UBAC2: variants seen among roughly 807,000 people sequenced by gnomAD.
UBAC2 encodes ubiquitin-associated domain-containing protein 2.
Under a neutral mutation model 44.0 loss-of-function variants are expected in UBAC2, and 26 were observed. The ratio of observed to expected loss-of-function variants is 0.59; its 90% CI spans 0.43 to 0.82. UBAC2 has a LOEUF of 0.82. Ranked by LOEUF, UBAC2 falls within the 40% of genes least tolerant of loss-of-function variation. UBAC2 has a pLI of 0.00. For missense variants in UBAC2, 329 were observed against 419.4 expected (o/e 0.78, Z 1.88); for synonymous variants, 155 against 154.3 (o/e 1.00, Z -0.04).
intron 6 of UBAC2, among the ~76,000 whole-genome samples, chr13:99,327,303 G>A (rs2044652401): frequency 6.6e-6 from 1 of 152,224 alleles, no homozygotes; most frequent in Non-Finnish European, 1.5e-5. Flanking sequence ...AGGTTGCCAA[G>A]AAACACCCGT....
chr13:99,281,098 A>AT (rs1373205545), intron 4 of UBAC2, among the ~76,000 whole-genome samples: 1 of 152,140 alleles, frequency 6.6e-6, no homozygotes, highest in Non-Finnish European at 1.5e-5. Flanking sequence ...AGGCAGGAGA[A>AT]TAGCTTGAAC....
chr13:99,334,387 C>G (rs1436135915), intron 6 of UBAC2, among the ~76,000 whole-genome samples: 1 of 152,180 alleles, frequency 6.6e-6, no homozygotes, highest in South Asian at 2.1e-4. Context: ...GAAATTCCAA[C>G]TTTAAGCAAA....
chr13:99,210,063 GTTTCT>G lies in UBAC2; in HGVS notation c.31+9129_31+9133del, dbSNP rs572886160. Among the ~76,000 whole-genome samples the G allele has an allele frequency of 5.9e-5, 9 of 152,204 alleles. No individual in the cohort carries two copies. The South Asian group carries it at 1.7e-3, about 28-fold the overall frequency. Reference sequence around the variant, plus strand: ...TTAAGAGAGGATGCTTTTAGAAAATGTTTCTTTTCATCGTAAAAGTAACGTTAACC... The same window carrying G: ...TTAAGAGAGGATGCTTTTAGAAAATGTTTCATCGTAAAAGTAACGTTAACC... On this transcript the variant is annotated intron_variant, in intron 1 of 8. Coordinates refer to ENST00000403766, the MANE Select transcript of UBAC2 (RefSeq NM_001144072.2).
intron 2 of UBAC2, among the ~76,000 whole-genome samples, chr13:99,242,026 A>G (rs1263938740): frequency 6.6e-6 from 1 of 151,194 alleles, no homozygotes; most frequent in African/African-American, 2.4e-5. Context: ...TGGACACAGC[A>G]CATGTTTCAG....
chr13:99,295,515 T>C lies in UBAC2; in HGVS notation c.390-18582T>C. Reference sequence around the variant, plus strand: ...ATCTGAGAATAGCAGATGAGAATGATTATAAGTGGAAGTACATATCCTATG... The same window carrying C: ...ATCTGAGAATAGCAGATGAGAATGACTATAAGTGGAAGTACATATCCTATG... On this transcript the variant is annotated intron_variant, in intron 4 of 8. Coordinates refer to ENST00000403766, the MANE Select transcript of UBAC2 (RefSeq NM_001144072.2). This position sits in a 1 kb window ranked among gnomAD's most constrained non-coding sequence, Gnocchi z 4.1. The C allele has an allele frequency of 6.2e-7, 1 of 1,613,924 alleles. No individual in the cohort carries two copies. The highest frequency in any genetic ancestry group is 8.5e-7 in the Non-Finnish European group (1 of 1,179,998).
At chr13:99,245,562 CAAAA>C (rs910434647) in intron 4 of UBAC2, among the ~76,000 whole-genome samples, 2 of 151,862 alleles carry the variant, frequency 1.3e-5, no homozygotes, top group East Asian at 2.0e-4. Context: ...AACAAACAAA[CAAAA>C]AAACAGGCCG....
chr13:99,314,348 T>C (rs2044458867), intron 5 of UBAC2, 128 bp downstream of exon 5: 1 of 1,131,708 alleles, frequency 8.8e-7, no homozygotes, highest in African/African-American at 1.6e-5. Context: ...GGCTTCATGA[T>C]CTATATCAAA....
chr13:99,270,174 C>T (rs531796109), intron 4 of UBAC2, among the ~76,000 whole-genome samples: 17 of 152,144 alleles, frequency 1.1e-4, no homozygotes, highest in East Asian at 3.9e-4. Context: ...ATTTTAACTA[C>T]GTAAGGTGAG....
intron 6 of UBAC2, among the ~76,000 whole-genome samples, chr13:99,328,449 G>A (rs1361601741): frequency 1.3e-5 from 2 of 152,172 alleles, no homozygotes; most frequent in Non-Finnish European, 2.9e-5. Context: ...CTACCATTTT[G>A]CATTTCCACC....
chr13:99,360,000 A>G (rs1051804073), intron 7 of UBAC2, among the ~76,000 whole-genome samples: 12 of 152,224 alleles, frequency 7.9e-5, no homozygotes, highest in African/African-American at 1.2e-4. Flanking sequence ...TTTGTTTCCA[A>G]TGGCCAACAG....
At chr13:99,236,507 A>G (rs1347893980) in intron 1 of UBAC2, among the ~76,000 whole-genome samples, 5 of 152,248 alleles carry the variant, frequency 3.3e-5, no homozygotes, top group Non-Finnish European at 7.3e-5. Flanking sequence ...CAAAACCACA[A>G]TGAGATACTT....
chr13:99,290,443 A>G (rs1331209451), intron 4 of UBAC2, among the ~76,000 whole-genome samples: 1 of 152,012 alleles, frequency 6.6e-6, no homozygotes, highest in African/African-American at 2.4e-5. Context: ...AAAACAGGCA[A>G]GGCCGGGCGC....
intron 8 of UBAC2, chr13:99,376,787 G>C (rs1251727291): frequency 6.6e-6 from 1 of 152,234 alleles, no homozygotes; most frequent in Non-Finnish European, 1.5e-5. Flanking sequence ...TTGTGGTGAG[G>C]ATTTTTAGGC....
At chr13:99,272,615 G>A (rs1471259265) in intron 4 of UBAC2, among the ~76,000 whole-genome samples, 1 of 152,160 alleles carries the variant, frequency 6.6e-6, no homozygotes, top group African/African-American at 2.4e-5. Flanking sequence ...CCGTCTTCCT[G>A]ACTTGCAGAT....
chr13:99,329,667 A>G (rs776610948), intron 6 of UBAC2, among the ~76,000 whole-genome samples: 5 of 152,212 alleles, frequency 3.3e-5, no homozygotes, highest in Admixed American at 3.3e-4. Flanking sequence ...CACATGGCCA[A>G]CAATCGTGGC....
chr13:99,242,567 C>T (rs1413003685), intron 2 of UBAC2, among the ~76,000 whole-genome samples: 2 of 129,618 alleles, frequency 1.5e-5, no homozygotes, highest in African/African-American at 5.8e-5. Context: ...TCCTCACTTC[C>T]CAGTAGGGGC....
intron 7 of UBAC2, among the ~76,000 whole-genome samples, chr13:99,350,283 A>G (rs1158424099): frequency 1.3e-5 from 2 of 152,162 alleles, no homozygotes; most frequent in East Asian, 3.9e-4. Context: ...TCCTTCGCCC[A>G]CAGTGAGAAG....
At chr13:99,238,709 T>C (rs757600538) in intron 2 of UBAC2, among the ~76,000 whole-genome samples, 155 bp downstream of exon 2, 4 of 152,194 alleles carry the variant, frequency 2.6e-5, no homozygotes, top group African/African-American at 4.8e-5. Context: ...TTTCTAGTTA[T>C]TGATTTTTCA....
rs75914990 is a variant in UBAC2 at position 99,373,999 on chromosome 13, T to A, written c.927+6093T>A. ...GATGTTACCATTTGGTGCATTAATA[T>A]TAATAATACATTTATAATGCATGTC... On this transcript the variant is annotated intron_variant, in intron 8 of 8. Coordinates refer to ENST00000403766, the MANE Select transcript of UBAC2 (RefSeq NM_001144072.2). 8.3e-3 allele frequency among the ~76,000 whole-genome samples: 1,263 copies of A among 152,300 alleles called. 16 individuals are homozygous for A. Among genetic ancestry groups the A allele is most frequent in the African/African-American group, 0.029 (1,187 of 41,544 alleles).
Sources: gnomAD v4.1 joint callset for allele counts (sites outside exome capture counted in the v4.1 genomes callset) on GRCh38, gnomAD v4.1.1 for gene constraint, Gnocchi (gnomAD v3.1) non-coding constraint, MANE v1.5 for transcripts, NCBI Gene and HGNC (gene_info 2026-07-23, HGNC 2026-07-21) for gene names.